The following CELF2 variants were observed in gnomAD, a reference collection of about 807,000 sequenced individuals.
CELF2 encodes CUG triplet repeat RNA-binding protein 2.
Under a neutral mutation model 62.6 loss-of-function variants are expected in CELF2, and 8 were observed. That is an observed-to-expected ratio of 0.13 (90% CI 0.07 to 0.23). The LOEUF is 0.23. Among genes scored for constraint, CELF2 ranks in the 10% least tolerant of loss-of-function variants. CELF2 has a pLI of 1.00. For synonymous variants in CELF2, 258 were observed against 250.0 expected, an observed-to-expected ratio of 1.03 and a Z score of -0.30; for missense variants, 333 against 671.0, an observed-to-expected ratio of 0.50 and a Z score of 5.56.
chr10:11,321,213 C>G lies in CELF2; in HGVS notation c.1121C>G (p.Ala374Gly), dbSNP rs761488324. ...LAVAQMLSGM[A>G]ALNGGLGATG... ...GTTGCTCAAATGCTCTCAGGTATGG[C>G]GGCTCTGAATGGAGGACTTGGCGCC... The change falls in exon 11 of 13, where the codon GCG becomes GGG. Residue 374 changes from alanine to glycine, a missense_variant. Transcript: ENST00000633077. The surrounding 1 kb of genome is among the most constrained non-coding windows in gnomAD (Gnocchi z 6.2). The G allele has an allele frequency of 6.2e-7, 1 of 1,614,022 alleles. No individual in the cohort carries two copies. The highest frequency in any genetic ancestry group is 8.5e-7 in the Non-Finnish European group (1 of 1,180,030).
intron 1 of CELF2, among the ~76,000 whole-genome samples, chr10:11,136,753 C>T (rs1411936570): frequency 6.6e-6 from 1 of 152,160 alleles, no homozygotes; most frequent in Non-Finnish European, 1.5e-5. Flanking sequence ...TCTCCTTCCA[C>T]CTCAATTTTC....
intron 2 of CELF2, among the ~76,000 whole-genome samples, chr10:11,176,934 C>T (rs558977889): frequency 6.6e-6 from 1 of 152,268 alleles, no homozygotes; most frequent in South Asian, 2.1e-4. Flanking sequence ...AGGAAGCTTG[C>T]TCACTTTAAT....
At chr10:10,508,709 T>TA in the CELF2 span, among the ~76,000 whole-genome samples, 313 of 18,872 alleles carry the variant, frequency 0.017, 2 homozygotes, top group African/African-American at 0.04. Context: ...TGTGTGTATA[T>TA]TTTTTTTTTT....
intron 8 of CELF2, among the ~76,000 whole-genome samples, chr10:11,284,395 T>G: frequency 1.4e-5 from 2 of 145,504 alleles, no homozygotes; most frequent in Non-Finnish European, 3.0e-5. Context: ...GACGGAGGGG[T>G]GGGTGGATGA....
chr10:10,843,631 G>A (rs185983960), intron 1 of CELF2, among the ~76,000 whole-genome samples: 18 of 152,040 alleles, frequency 1.2e-4, no homozygotes, highest in Admixed American at 9.2e-4. Context: ...TTAGAAAAAT[G>A]TATATTCTAC....
At chr10:10,602,742 T>C in the CELF2 span, among the ~76,000 whole-genome samples, 4 of 152,284 alleles carry the variant, frequency 2.6e-5, no homozygotes, top group Middle Eastern at 3.4e-3. Flanking sequence ...TGAGCATACA[T>C]GCATTTCTAA....
the CELF2 span, among the ~76,000 whole-genome samples, chr10:10,504,138 A>G: frequency 6.6e-6 from 1 of 152,078 alleles, no homozygotes; most frequent in African/African-American, 2.4e-5. Flanking sequence ...AAGGAAATCC[A>G]GTTGTATTAA....
At position 11,220,443 on chromosome 10, in the gene CELF2, A is replaced by C. The variant is rs1329966504; in HGVS notation, c.354+2936A>C. On this transcript the variant is annotated intron_variant, in intron 3 of 12. Transcript: ENST00000633077. The surrounding 1 kb of genome is among the most constrained non-coding windows in gnomAD (Gnocchi z 4.4). ...TGTGCAATCAAATGTGTCTGCCATAAGATTTTGATTTAAAGGCACCCTCCT... is the reference window on the plus strand; with the variant it reads ...TGTGCAATCAAATGTGTCTGCCATACGATTTTGATTTAAAGGCACCCTCCT... Among the ~76,000 whole-genome samples, 1 of 152,188 alleles carries C rather than the reference A, an allele frequency of 6.6e-6. No homozygotes were observed. Among genetic ancestry groups the C allele is most frequent in the African/African-American group, 2.4e-5 (1 of 41,454 alleles).
chr10:10,873,389 C>T (rs957298318), intron 1 of CELF2, among the ~76,000 whole-genome samples: 1 of 152,112 alleles, frequency 6.6e-6, no homozygotes, highest in Non-Finnish European at 1.5e-5. Flanking sequence ...CTCGGGGTAA[C>T]AGTATTAGTG....
intron 12 of CELF2, among the ~76,000 whole-genome samples, chr10:11,326,987 A>G (rs951969316): frequency 6.6e-6 from 1 of 152,176 alleles, no homozygotes; most frequent in Non-Finnish European, 1.5e-5. Flanking sequence ...TTTGGCTTCT[A>G]AAACTCTAAT....
chr10:10,538,902 T>C, the CELF2 span, among the ~76,000 whole-genome samples: 1 of 152,252 alleles, frequency 6.6e-6, no homozygotes, highest in Admixed American at 6.5e-5. Flanking sequence ...TTTGTTTGAG[T>C]GTCATCCTTT....
chr10:10,791,709 C>T, the CELF2 span, among the ~76,000 whole-genome samples: 6 of 152,062 alleles, frequency 3.9e-5, no homozygotes, highest in Admixed American at 6.6e-5. Context: ...TACGTTTTAT[C>T]ACGGCTCCCC....
At chr10:11,068,720 C>G (rs1293044443) in intron 1 of CELF2, among the ~76,000 whole-genome samples, 1 of 152,056 alleles carries the variant, frequency 6.6e-6, no homozygotes, top group Non-Finnish European at 1.5e-5. Flanking sequence ...GTCACCATGC[C>G]CAGCTAATTT....
At chr10:10,752,639 G>A in the CELF2 span, among the ~76,000 whole-genome samples, 5 of 135,282 alleles carry the variant, frequency 3.7e-5, no homozygotes, top group Admixed American at 2.5e-4. Context: ...GCAGTGAGCC[G>A]AGATTGCACC....
the CELF2 span, among the ~76,000 whole-genome samples, chr10:10,694,181 C>T: frequency 6.6e-6 from 1 of 151,664 alleles, no homozygotes; most frequent in Non-Finnish European, 1.5e-5. Flanking sequence ...ACACTGCTTT[C>T]AATGCGTCCC....
chr10:10,847,721 T>C (rs555436874), intron 1 of CELF2, among the ~76,000 whole-genome samples: 92 of 152,316 alleles, frequency 6.0e-4, no homozygotes, highest in African/African-American at 2.1e-3. Context: ...TCAGCTCTCA[T>C]TGTTCTGCAG....
chr10:10,716,431 C>T, the CELF2 span, among the ~76,000 whole-genome samples: 2 of 152,240 alleles, frequency 1.3e-5, no homozygotes, highest in South Asian at 4.2e-4. Flanking sequence ...GTCCCAGCTA[C>T]TGGGGAGGCT....
chr10:11,015,496 G>A (rs139341715), upstream of CELF2, among the ~76,000 whole-genome samples: 698 of 152,212 alleles, frequency 4.6e-3, 1 homozygote, highest in Non-Finnish European at 7.3e-3. This position sits in a 1 kb window ranked among gnomAD's most constrained non-coding sequence, Gnocchi z 4.8. Flanking sequence ...TATTTATTTG[G>A]CAGCCAAAGT....
chr10:11,233,333 G>A (rs920336220), intron 3 of CELF2, among the ~76,000 whole-genome samples: 1 of 152,168 alleles, frequency 6.6e-6, no homozygotes, highest in African/African-American at 2.4e-5. Flanking sequence ...TTCAGAGACT[G>A]CAAGTAAAGG....
Sources: gnomAD v4.1 joint callset for allele counts (sites outside exome capture counted in the v4.1 genomes callset) on GRCh38, gnomAD v4.1.1 for gene constraint, Gnocchi (gnomAD v3.1) non-coding constraint, MANE v1.5 for transcripts, NCBI Gene and HGNC (gene_info 2026-07-23, HGNC 2026-07-21) for gene names.